The following PRPF6 variants were observed in gnomAD, a reference collection of about 807,000 sequenced individuals.
PRPF6 encodes pre-mRNA processing factor 6.
A neutral mutation model predicts 118.3 loss-of-function variants in PRPF6; 42 were observed. The observed-to-expected ratio is 0.35, with a 90% CI of 0.28 to 0.46. The LOEUF (loss-of-function observed/expected upper bound fraction) is 0.46, where lower values mean the gene tolerates loss of function less well. Ranked by LOEUF, PRPF6 falls within the 20% of genes least tolerant of loss-of-function variation. The pLI is 1.00. For missense variants in PRPF6, 662 were observed against 1,255.7 expected, an observed-to-expected ratio of 0.53 and a Z score of 7.15; for synonymous variants, 481 against 485.1, an observed-to-expected ratio of 0.99 and a Z score of 0.11.
chr20:64,019,871 C>G (rs756893372), intron 12 of PRPF6, among the ~76,000 whole-genome samples: 1 of 152,206 alleles, frequency 6.6e-6, no homozygotes, highest in Non-Finnish European at 1.5e-5. Flanking sequence ...CCCCACTCCT[C>G]GTCCTCCTGA....
chr20:63,999,045 G>T lies in PRPF6; in HGVS notation c.772G>T (p.Val258Leu). 1 of 1,612,356 alleles carries T rather than the reference G, an allele frequency of 6.2e-7. No individual in the cohort carries two copies. Among genetic ancestry groups the T allele is most frequent in the Non-Finnish European group, 8.5e-7 (1 of 1,178,810 alleles). Residue 258 changes from valine (V) to leucine (L), a missense_variant and splice_region_variant, in exon 7 of 21, where the codon GTG (valine) becomes TTG (leucine). Val to Leu is a conservative substitution (Grantham distance 32). This residue lies in a region of PRPF6 where 71 missense variants were observed against 166.4 expected (regional missense o/e 0.43). Coordinates refer to ENST00000266079, the MANE Select transcript of PRPF6 (RefSeq NM_012469.4). ...NTLMDMRLSQVSDSVSGQTVV... is the reference protein window; with the variant it reads ...NTLMDMRLSQLSDSVSGQTVV... ...ACTCTTAGCTTGGCCTGTCTCACAG[G>T]TGTCTGACTCCGTGAGTGGACAGAC...
chr20:64,027,859 C>T lies in PRPF6; in HGVS notation c.2339+123C>T, dbSNP rs1385230966. On this transcript the variant is annotated intron_variant, in intron 17 of 20. Coordinates refer to ENST00000266079, the MANE Select transcript of PRPF6 (RefSeq NM_012469.4). The surrounding 1 kb of genome is among the most constrained non-coding windows in gnomAD (Gnocchi z 6.5). ...CTTCCAGGCTCAGGGGCTTGGGGGG[C>T]GGTAGGTGCTGGCCATGAAAAATCA... 5.0e-6 allele frequency: 7 copies of T among 1,402,886 alleles called. No homozygotes were observed. The highest frequency in any genetic ancestry group is 2.3e-5 in the East Asian group (1 of 43,708). The allele number at this position is 1,402,886 out of a possible 1,614,324, so 86.9% of individuals were successfully genotyped here. A position where few individuals can be genotyped will look rare whatever the true frequency, so the allele number is the denominator to read the frequency against.
chr20:63,998,879 G>A (rs1353583350), intron 6 of PRPF6, among the ~76,000 whole-genome samples, 166 bp from the exon 7 acceptor site: 1 of 151,868 alleles, frequency 6.6e-6, no homozygotes, highest in Non-Finnish European at 1.5e-5. Flanking sequence ...CCATACAGAA[G>A]AAATTTGTTA....
chr20:63,995,602 T>C (rs568447694), intron 6 of PRPF6, 120 bp downstream of exon 6: 68 of 1,120,572 alleles, frequency 6.1e-5, no homozygotes, highest in South Asian at 3.4e-4. Flanking sequence ...TCCTCCTCCT[T>C]CTTCTCCTTC....
Position 63,981,305 on chromosome 20 carries a change from G to A in PRPF6, c.60G>A (p.Gly20=), listed in dbSNP as rs772410317. The change falls in exon 1 of 21, where the codon GGG becomes GGA. Residue 20 remains glycine, a synonymous_variant. Transcript: ENST00000266079. ...GMPAPLGYVP[G]LGRGATGFTT... ...CCGCGCCCCTCGGCTACGTGCCGGG[G>A]CTGGGCCGGGGGTGAGGCCTGGGGC... is the stretch of plus-strand genomic sequence containing the variant. 2 of 1,601,996 alleles carry A rather than the reference G, an allele frequency of 1.2e-6. No homozygotes were observed. Among genetic ancestry groups the A allele is most frequent in the African/African-American group, 1.3e-5 (1 of 74,736 alleles).
At chr20:63,983,648 C>A (rs2059081090) in intron 2 of PRPF6, among the ~76,000 whole-genome samples, 1 of 149,650 alleles carries the variant, frequency 6.7e-6, no homozygotes, top group Non-Finnish European at 1.5e-5. Context: ...TCCTATTGGC[C>A]AGTCTTTTTT....
rs150956650 is a variant in PRPF6 at position 64,002,869 on chromosome 20, T to G, written c.1186+1630T>G. The stretch of plus-strand genomic sequence containing the variant: ...GTGTTGACCAGGCTGGTCTTGAACT[T>G]CTCACCTCAAGTGATCCACCCACCT... On this transcript the variant is annotated intron_variant, in intron 9 of 20. Coordinates refer to ENST00000266079, the MANE Select transcript of PRPF6 (RefSeq NM_012469.4). Among the ~76,000 whole-genome samples the G allele has an allele frequency of 2.3e-3, 334 of 147,262 alleles. 2 individuals are homozygous for G. The highest frequency in any genetic ancestry group is 8.0e-3 in the African/African-American group (318 of 39,878).
Position 64,006,613 on chromosome 20 carries a change from C to T in PRPF6, c.1187-3587C>T, listed in dbSNP as rs946456877. ...GGGATTACAAATGTGAGCCACCACA[C>T]CCGGCCTTTGGACCAGCTCTCTTGA... On this transcript the variant is annotated intron_variant, in intron 9 of 20. Transcript: ENST00000266079. 2.0e-5 allele frequency among the ~76,000 whole-genome samples: 3 copies of T among 152,308 alleles called. No homozygotes were observed. In the East Asian group the frequency reaches 5.8e-4, roughly 29 times the overall value.
intron 8 of PRPF6, among the ~76,000 whole-genome samples, chr20:64,000,499 A>ATG (rs1461279919): frequency 6.6e-6 from 1 of 150,632 alleles, no homozygotes; most frequent in Non-Finnish European, 1.5e-5. Context: ...ACCCGAGCAG[A>ATG]TGTGCAGTCT....
chr20:64,019,553 A>T (rs2059253844), intron 12 of PRPF6, among the ~76,000 whole-genome samples: 1 of 152,094 alleles, frequency 6.6e-6, no homozygotes, highest in Admixed American at 6.6e-5. Flanking sequence ...GCACAGCATC[A>T]CTTGATCCTG....
intron 10 of PRPF6, among the ~76,000 whole-genome samples, 183 bp downstream of exon 10, chr20:64,010,501 C>T (rs888750942): frequency 6.6e-6 from 1 of 152,252 alleles, no homozygotes; most frequent in African/African-American, 2.4e-5. Flanking sequence ...GCAGGGTGGT[C>T]AGTGGCCTCA....
At chr20:63,986,060 G>T (rs567873526) in intron 3 of PRPF6, among the ~76,000 whole-genome samples, 20 of 152,260 alleles carry the variant, frequency 1.3e-4, no homozygotes, top group African/African-American at 4.6e-4. Flanking sequence ...TCGGCTGGGC[G>T]CAGTGGATCA....
chr20:64,001,190 C>T lies in PRPF6; in HGVS notation c.1137C>T (p.Ala379=), dbSNP rs149287029. 1.9e-4 allele frequency: 299 copies of T among 1,614,214 alleles called. No homozygotes were observed. In the African/African-American group the frequency reaches 3.5e-3, roughly 19 times the overall value. The part of the protein sequence containing the change: ...LPQSVRIYIR[A]AELETDIRAK... ...AGTCTGTCAGGATTTACATCAGAGC[C>T]GCAGAGCTGGAAACGGACATTCGTG... The change falls in exon 9 of 21, where the codon GCC becomes GCT. Residue 379 remains alanine (A), a synonymous_variant. Transcript: ENST00000266079.
intron 1 of PRPF6, 46 bp downstream of exon 1, chr20:63,981,362 A>C: frequency 6.5e-7 from 1 of 1,530,108 alleles, no homozygotes. Flanking sequence ...CGGCTACAGG[A>C]GCGCAGTGCT....
chr20:64,011,559 G>C lies in PRPF6; in HGVS notation c.1524+56G>C. The C allele has an allele frequency of 6.5e-7, 1 of 1,545,678 alleles. No individual in the cohort carries two copies. Among genetic ancestry groups the C allele is most frequent in the Non-Finnish European group, 8.8e-7 (1 of 1,139,930 alleles). ...CTTTAACAGTGCACATGCAGCACGT[G>C]AGAGTCCCACGCAGGACTGGGGGTT... On this transcript the variant is annotated intron_variant, in intron 11 of 20. Transcript: ENST00000266079. The surrounding 1 kb of genome is among the most constrained non-coding windows in gnomAD (Gnocchi z 6.7).
chr20:64,000,423 C>T (rs1219514541), intron 8 of PRPF6, among the ~76,000 whole-genome samples: 5 of 141,482 alleles, frequency 3.5e-5, no homozygotes, highest in Non-Finnish European at 7.6e-5. Flanking sequence ...CACCATGCTG[C>T]TCCAGCCTGG....
intron 9 of PRPF6, among the ~76,000 whole-genome samples, chr20:64,004,239 CAG>C (rs1032898820): frequency 3.9e-5 from 6 of 152,168 alleles, no homozygotes; most frequent in Admixed American, 3.3e-4. Flanking sequence ...GCTGTTCTCT[CAG>C]GGAGTGGCCT....
At chr20:64,020,643 GA>G (rs1425601936) in intron 12 of PRPF6, among the ~76,000 whole-genome samples, 2 of 151,734 alleles carry the variant, frequency 1.3e-5, no homozygotes, top group Non-Finnish European at 2.9e-5. Flanking sequence ...TGAGTATAGG[GA>G]AAAAAAAGCC....
At chr20:63,987,309 C>T (rs1401112100) in intron 3 of PRPF6, among the ~76,000 whole-genome samples, 1 of 151,796 alleles carries the variant, frequency 6.6e-6, no homozygotes, top group African/African-American at 2.4e-5. Flanking sequence ...GAGTTTGAGA[C>T]CATCCTGACC....
Sources: gnomAD v4.1 joint callset for allele counts (sites outside exome capture counted in the v4.1 genomes callset) on GRCh38, gnomAD v4.1.1 for gene constraint, gnomAD v4.1.1 regional missense constraint, Gnocchi (gnomAD v3.1) non-coding constraint, MANE v1.5 for transcripts, NCBI Gene and HGNC (gene_info 2026-07-23, HGNC 2026-07-21) for gene names.